Variants in ATE1 observed in about 807,000 individuals in gnomAD.
The protein encoded by ATE1 is arginyl-tRNA--protein transferase 1.
ATE1 carries 36 observed loss-of-function variants against 70.5 expected under a neutral mutation model. That is an observed-to-expected ratio of 0.51 (90% CI 0.39 to 0.67). ATE1 has a LOEUF of 0.67. ATE1 is among the 30% of genes least tolerant of loss of function. The pLI, the probability that ATE1 is intolerant of heterozygous loss-of-function variation, is 0.00. For missense variants in ATE1, 593 were observed against 629.5 expected (o/e 0.94, Z 0.62); for synonymous variants, 232 against 219.3 (o/e 1.06, Z -0.51).
chr10:121,884,913 C>T (rs1950335044), intron 7 of ATE1, among the ~76,000 whole-genome samples: 1 of 152,144 alleles, frequency 6.6e-6, no homozygotes, highest in Non-Finnish European at 1.5e-5. Flanking sequence ...TTGAATTATA[C>T]AAATAATTGC....
intron 8 of ATE1, among the ~76,000 whole-genome samples, chr10:121,850,974 C>G (rs1043609681): frequency 2.6e-5 from 4 of 151,164 alleles, no homozygotes; most frequent in Non-Finnish European, 5.9e-5. Flanking sequence ...GGCTGGAGTC[C>G]CAGTTACTTG....
At chr10:121,849,282 C>T (rs1223324001) in intron 8 of ATE1, among the ~76,000 whole-genome samples, 1 of 151,944 alleles carries the variant, frequency 6.6e-6, no homozygotes. Context: ...ATTCTGTTAA[C>T]CCTAAATATA....
intron 10 of ATE1, among the ~76,000 whole-genome samples, chr10:121,804,165 T>G (rs774056468): frequency 6.6e-6 from 1 of 152,196 alleles, no homozygotes; most frequent in African/African-American, 2.4e-5. Flanking sequence ...AACTTAAACA[T>G]AGTTATTTAC....
chr10:121,831,637 T>C (rs989276901), intron 10 of ATE1, among the ~76,000 whole-genome samples: 1 of 152,202 alleles, frequency 6.6e-6, no homozygotes, highest in Non-Finnish European at 1.5e-5. Flanking sequence ...TCTAATACTT[T>C]CTCTCAATTT....
At chr10:121,918,707 C>CT (rs977061923) in intron 3 of ATE1, among the ~76,000 whole-genome samples, 12 of 150,500 alleles carry the variant, frequency 8.0e-5, no homozygotes, top group African/African-American at 2.4e-4. Flanking sequence ...ACAGGATACT[C>CT]TGTCATTCTA....
chr10:121,804,657 G>A (rs1947023314), intron 10 of ATE1, among the ~76,000 whole-genome samples: 1 of 152,026 alleles, frequency 6.6e-6, no homozygotes, highest in Admixed American at 6.6e-5. Flanking sequence ...CAGCTGTTGA[G>A]CTATCAGCTT....
chr10:121,882,693 T>C (rs972172681), intron 7 of ATE1, among the ~76,000 whole-genome samples: 1 of 152,196 alleles, frequency 6.6e-6, no homozygotes, highest in African/African-American at 2.4e-5. Flanking sequence ...CAGCAAGCAC[T>C]GTTTGGCAGT....
intron 7 of ATE1, among the ~76,000 whole-genome samples, chr10:121,885,777 G>A (rs1410963788): frequency 1.3e-5 from 2 of 152,060 alleles, no homozygotes; most frequent in East Asian, 3.9e-4. Flanking sequence ...TCATGCGCCT[G>A]TAGTCCTAGC....
chr10:121,895,425 T>G (rs1033337566), intron 7 of ATE1, among the ~76,000 whole-genome samples: 1 of 152,026 alleles, frequency 6.6e-6, no homozygotes, highest in Non-Finnish European at 1.5e-5. Context: ...CTGGCCAACA[T>G]GGCGAAACCC....
chr10:121,832,643 A>C (rs1238676282), intron 10 of ATE1, among the ~76,000 whole-genome samples: 2 of 152,158 alleles, frequency 1.3e-5, no homozygotes, highest in Non-Finnish European at 2.9e-5. Flanking sequence ...GCCACGTAAG[A>C]AGTGTCTTTT....
intron 11 of ATE1, among the ~76,000 whole-genome samples, chr10:121,785,194 G>T (rs895394898): frequency 6.6e-6 from 1 of 152,092 alleles, no homozygotes; most frequent in Admixed American, 6.5e-5. Context: ...ATGCAGATAT[G>T]AAAACGATTT....
chr10:121,830,897 A>C (rs529317127), intron 10 of ATE1, among the ~76,000 whole-genome samples: 1 of 152,224 alleles, frequency 6.6e-6, no homozygotes, highest in African/African-American at 2.4e-5. Context: ...GAAAAAATTT[A>C]AAGTTTTATT....
At chr10:121,784,278 G>C (rs1365679878) in intron 11 of ATE1, among the ~76,000 whole-genome samples, 1 of 152,160 alleles carries the variant, frequency 6.6e-6, no homozygotes, top group East Asian at 1.9e-4. Flanking sequence ...TTCTCTGCAA[G>C]ACTGGCTTTA....
At chr10:121,744,924 T>C (rs1040728567) in intron 11 of ATE1, among the ~76,000 whole-genome samples, 3 of 152,290 alleles carry the variant, frequency 2.0e-5, no homozygotes, top group African/African-American at 7.2e-5. Context: ...TTTTCAACCT[T>C]TCCTTCATTC....
intron 7 of ATE1, among the ~76,000 whole-genome samples, chr10:121,879,757 A>C (rs74158461): frequency 6.6e-6 from 1 of 152,156 alleles, no homozygotes; most frequent in Non-Finnish European, 1.5e-5. Flanking sequence ...AGCAGTCACC[A>C]GTAAGGAAGA....
intron 11 of ATE1, among the ~76,000 whole-genome samples, chr10:121,777,933 C>T (rs1166109167): frequency 6.6e-6 from 1 of 152,162 alleles, no homozygotes; most frequent in Non-Finnish European, 1.5e-5. Flanking sequence ...AAACATTATT[C>T]AAAATCTCCT....
intron 3 of ATE1, among the ~76,000 whole-genome samples, chr10:121,914,603 C>A (rs1017960907): frequency 2.0e-5 from 3 of 151,936 alleles, no homozygotes; most frequent in Admixed American, 2.0e-4. Flanking sequence ...AAAGTTAGGT[C>A]TAAAAATAGA....
chr10:121,745,644 G>A (rs1207159322), intron 11 of ATE1, among the ~76,000 whole-genome samples: 4 of 152,142 alleles, frequency 2.6e-5, no homozygotes, highest in Non-Finnish European at 4.4e-5. Flanking sequence ...GGAGAATGGT[G>A]TGAACCCGGG....
intron 7 of ATE1, among the ~76,000 whole-genome samples, chr10:121,893,344 TG>T (rs1273592850): frequency 6.6e-6 from 1 of 150,958 alleles, no homozygotes; most frequent in Admixed American, 6.6e-5. Context: ...GACAATAACA[TG>T]GAGAAAATTA....
Sources: gnomAD v4.1 joint callset for allele counts (sites outside exome capture counted in the v4.1 genomes callset) on GRCh38, gnomAD v4.1.1 for gene constraint, MANE v1.5 for transcripts, NCBI Gene and HGNC (gene_info 2026-07-23, HGNC 2026-07-21) for gene names.